The following PARP10 variants were observed in gnomAD, a reference collection of about 807,000 sequenced individuals.
The protein encoded by PARP10 is poly(ADP-ribose) polymerase family member 10.
PARP10 carries 56 observed loss-of-function variants against 82.4 expected under a neutral mutation model. The ratio of observed to expected loss-of-function variants is 0.68; its 90% CI spans 0.55 to 0.85. The LOEUF is 0.85. Ranked by LOEUF, PARP10 falls within the 40% of genes least tolerant of loss-of-function variation. The pLI is 0.00. For missense variants in PARP10, 1,227 were observed against 1,379.4 expected (o/e 0.89, Z 1.75); for synonymous variants, 576 against 601.1 (o/e 0.96, Z 0.61).
At chr8:144,004,093 G>C (rs542738019) in intron 1 of PARP10, among the ~76,000 whole-genome samples, 4 of 151,992 alleles carry the variant, frequency 2.6e-5, no homozygotes, top group African/African-American at 9.7e-5. Flanking sequence ...CAGGAGGATC[G>C]CTTGAGGCCA....
At chr8:143,990,070 C>A (rs1834064538), upstream of PARP10, 1 of 150,910 alleles carries the variant, frequency 6.6e-6, no homozygotes, top group Non-Finnish European at 1.5e-5. This position sits in a 1 kb window ranked among gnomAD's most constrained non-coding sequence, Gnocchi z 5.6. Context: ...GGCCCCGCTG[C>A]GTCTTCCGAG....
intron 1 of PARP10, among the ~76,000 whole-genome samples, chr8:143,999,247 G>C (rs1587473554): frequency 6.6e-6 from 1 of 151,814 alleles, no homozygotes; most frequent in East Asian, 1.9e-4. Context: ...TGTCGCCCAG[G>C]CTGGAGTGCA....
At chr8:143,992,818 A>G, upstream of PARP10, 1 of 1,613,646 alleles carries the variant, frequency 6.2e-7, no homozygotes, top group Non-Finnish European at 8.5e-7. Context: ...CATCCTCACC[A>G]TCATTGGCCG....
In PARP10 at chr8:143,983,603, C is replaced by T. The variant is rs143193376; in HGVS notation, c.1986G>A (p.Arg662=). 1.4e-3 allele frequency: 2,214 copies of T among 1,604,684 alleles called. 8 individuals are homozygous for T. Among genetic ancestry groups the T allele is most frequent in the South Asian group, 7.8e-3 (700 of 89,572 alleles). ...EEAALQLALH[R]SLEPQGQVAE... ...CCACCTGACCTTGAGGCTCCAGTGA[C>T]CGGTGGAGGGCCAGCTGCAGAGCGG... Residue 662 remains arginine, a synonymous_variant, in exon 8 of 11, where the codon CGG becomes CGA. Coordinates refer to ENST00000313028, the MANE Select transcript of PARP10 (RefSeq NM_032789.5).
chr8:144,009,834 C>T (rs1834261455), intron 1 of PARP10, among the ~76,000 whole-genome samples: 2 of 152,232 alleles, frequency 1.3e-5, no homozygotes, highest in East Asian at 3.8e-4. Context: ...CCAAGACCAG[C>T]CCACCCAGCA....
At position 143,985,012 on chromosome 8, in the gene PARP10, C is replaced by T. The variant is rs1833950750; in HGVS notation, c.990G>A (p.Gln330=). The T allele has an allele frequency of 6.2e-7, 1 of 1,613,960 alleles. No individual in the cohort carries two copies. Among genetic ancestry groups the T allele is most frequent in the Admixed American group, 1.7e-5 (1 of 60,020 alleles). ...GACCTGTCCTCAGAGAGGTCCCTGA[C>T]TGCCCTGGTTCCTGGCCAGAGCCTG... is the stretch of plus-strand genomic sequence containing the variant. ...MTTGSGQEPG[Q]SGTSLRTGPM... Residue 330 remains glutamine (Q), a synonymous_variant, in exon 5 of 11, where the codon CAG becomes CAA. Transcript: ENST00000313028.
upstream of PARP10, chr8:143,989,462 GGATT>G (rs1298796650): frequency 6.6e-6 from 1 of 152,220 alleles, no homozygotes; most frequent in African/African-American, 2.4e-5. This position sits in a 1 kb window ranked among gnomAD's most constrained non-coding sequence, Gnocchi z 4.3. Flanking sequence ...GAGTATAACT[GGATT>G]GTTTGTAACA....
At position 143,977,506 on chromosome 8, in the gene PARP10, G is replaced by C; in HGVS notation, c.3056C>G (p.Pro1019Arg). Residue 1019 changes from proline (P) to arginine (R), a missense_variant, in exon 11 of 11, where the codon CCG (proline) becomes CGG (arginine). By Grantham distance (103) the Pro-to-Arg change is moderately radical. Transcript: ENST00000313028. ...CGGTTAAGTGTCTGGGGAGCGGCCC[G>C]GGAGCCCAGAGGGGTCGTCGGGGGA... is the stretch of plus-strand genomic sequence containing the variant. ...RASPDDPSGL[P>R]GRSPDT 6.4e-7 allele frequency: 1 copy of C among 1,554,022 alleles called. No homozygotes were observed. The highest frequency in any genetic ancestry group is 1.2e-5 in the South Asian group (1 of 84,374).
At chr8:143,990,176 C>G (rs1834067772), upstream of PARP10, 1 of 150,278 alleles carries the variant, frequency 6.7e-6, no homozygotes, top group Non-Finnish European at 1.5e-5. This position sits in a 1 kb window ranked among gnomAD's most constrained non-coding sequence, Gnocchi z 5.6. Flanking sequence ...ACCGTGCGTA[C>G]CGGCCTGCGG....
At chr8:143,978,718 G>C (rs1299110309) in intron 9 of PARP10, among the ~76,000 whole-genome samples, 1 of 152,146 alleles carries the variant, frequency 6.6e-6, no homozygotes, top group African/African-American at 2.4e-5. Context: ...CTGATGCAGA[G>C]TGAGAAGCTA....
rs147989028 is a variant in PARP10, at chr8:144,009,634, C to A, written c.-80+2896G>T. On this transcript the variant is annotated intron_variant, in intron 1 of 3. Transcript: ENST00000530478. ...TCCTCTACGACCTGGAGCAGTACCCCCTGCCTCCTGGCTCATCTCCTTAAC... is the reference window on the plus strand; with the variant it reads ...TCCTCTACGACCTGGAGCAGTACCCACTGCCTCCTGGCTCATCTCCTTAAC... 1.2e-3 allele frequency among the ~76,000 whole-genome samples: 179 copies of A among 152,306 alleles called. 1 individual carries two copies. Among genetic ancestry groups the A allele is most frequent in the Middle Eastern group, 6.8e-3 (2 of 294 alleles).
chr8:143,984,133 G>A (rs1833928934), intron 6 of PARP10, 29 bp from the exon 7 acceptor site: 1 of 1,562,734 alleles, frequency 6.4e-7, no homozygotes, highest in African/African-American at 1.4e-5. Flanking sequence ...AGGACCACTA[G>A]CCTCTGGGCA....
chr8:143,977,264 C>G lies in PARP10; in HGVS notation c.*220G>C, dbSNP rs1833709399. On this transcript the variant is annotated 3_prime_UTR_variant, in exon 11 of 11. Coordinates refer to ENST00000313028, the MANE Select transcript of PARP10 (RefSeq NM_032789.5). ...GGCGGGCGGTGTCGCCTCCTGGGCTCTGCTGACCCCTGGTGGTGGGGTCGG... is the reference window on the plus strand; with the variant it reads ...GGCGGGCGGTGTCGCCTCCTGGGCTGTGCTGACCCCTGGTGGTGGGGTCGG... The G allele has an allele frequency of 1.8e-6, 1 of 568,060 alleles. No homozygotes were observed. Among genetic ancestry groups the G allele is most frequent in the Admixed American group, 3.3e-5 (1 of 30,392 alleles). The allele number at this position is 568,060 out of a possible 1,614,324, so 35.2% of individuals were successfully genotyped here.
chr8:143,991,163 G>C (rs1397896733), upstream of PARP10: 19 of 1,245,950 alleles, frequency 1.5e-5, no homozygotes, highest in Non-Finnish European at 2.0e-5. Context: ...CTGTCGTCAA[G>C]CCAACTGTTC....
At chr8:143,978,670 C>T (rs1210686855) in intron 9 of PARP10, among the ~76,000 whole-genome samples, 1 of 152,142 alleles carries the variant, frequency 6.6e-6, no homozygotes, top group Non-Finnish European at 1.5e-5. Context: ...GTGGTTCAAA[C>T]TGAAGACCCA....
At position 144,008,900 on chromosome 8, in the gene PARP10, G is replaced by T. The variant is rs1404031010; in HGVS notation, c.-80+3630C>A. Among the ~76,000 whole-genome samples the T allele has an allele frequency of 6.6e-6, 1 of 152,224 alleles. No individual in the cohort carries two copies. Among genetic ancestry groups the T allele is most frequent in the Admixed American group, 6.5e-5 (1 of 15,282 alleles). On this transcript the variant is annotated intron_variant, in intron 1 of 3. Transcript: ENST00000530478. The surrounding 1 kb of genome is among the most constrained non-coding windows in gnomAD (Gnocchi z 4.0). ...AAATGCGAATGAAGAGGAAATAAAA[G>T]TAGGGGGAGGAGAGGAAGCCTGGCG...
intron 1 of PARP10, among the ~76,000 whole-genome samples, chr8:143,998,663 G>A (rs1554751453): frequency 6.6e-6 from 1 of 152,152 alleles, no homozygotes; most frequent in African/African-American, 2.4e-5. Flanking sequence ...CAGACAATTG[G>A]ATTTTATAAA....
chr8:143,985,983 C>T lies in PARP10; in HGVS notation c.182-8G>A. 2 of 1,594,156 alleles carry T rather than the reference C, an allele frequency of 1.3e-6. No homozygotes were observed. Among genetic ancestry groups the T allele is most frequent in the Non-Finnish European group, 1.7e-6 (2 of 1,166,026 alleles). On this transcript the variant is annotated splice_region_variant and splice_polypyrimidine_tract_variant and intron_variant, in intron 2 of 10. Coordinates refer to ENST00000313028, the MANE Select transcript of PARP10 (RefSeq NM_032789.5). ...CCAAGACCCTCTCGGCGTCTGTGGG[C>T]AGGGGCGGGGCAGGATGTCAGGCAT...
chr8:144,001,252 C>T (rs1230612925), intron 1 of PARP10, among the ~76,000 whole-genome samples: 2 of 151,958 alleles, frequency 1.3e-5, no homozygotes, highest in Non-Finnish European at 2.9e-5. Flanking sequence ...CACTCTATTG[C>T]CCAGGCTGGA....
Sources: gnomAD v4.1 joint callset for allele counts (sites outside exome capture counted in the v4.1 genomes callset) on GRCh38, gnomAD v4.1.1 for gene constraint, Gnocchi (gnomAD v3.1) non-coding constraint, MANE v1.5 for transcripts, NCBI Gene and HGNC (gene_info 2026-07-23, HGNC 2026-07-21) for gene names.